DAB1: variants seen among roughly 807,000 people sequenced by gnomAD.
DAB1 encodes the protein disabled homolog 1.
A neutral mutation model predicts 64.6 loss-of-function variants in DAB1; 15 were observed. The observed-to-expected ratio is 0.23, with a 90% CI of 0.16 to 0.36. The LOEUF is 0.36. Ranked by LOEUF, DAB1 falls within the 10% of genes least tolerant of loss-of-function variation. The pLI is 1.00. For synonymous variants in DAB1, 235 were observed against 251.9 expected (o/e 0.93, Z 0.64); for missense variants, 596 against 706.7 (o/e 0.84, Z 1.78).
intron 6 of DAB1, among the ~76,000 whole-genome samples, chr1:57,777,222 T>C (rs2101837939): frequency 6.6e-6 from 1 of 151,302 alleles, no homozygotes; most frequent in Admixed American, 6.6e-5. Context: ...TACCCTTTTC[T>C]TGGGCTTCTT....
At chr1:57,738,361 A>G (rs1448753023) in intron 6 of DAB1, among the ~76,000 whole-genome samples, 1 of 152,200 alleles carries the variant, frequency 6.6e-6, no homozygotes, top group Non-Finnish European at 1.5e-5. Context: ...CAAAATATCT[A>G]GCTGATTTAT....
At chr1:57,277,664 G>A (rs1671573360) in intron 2 of DAB1, among the ~76,000 whole-genome samples, 1 of 152,146 alleles carries the variant, frequency 6.6e-6, no homozygotes, top group African/African-American at 2.4e-5. Flanking sequence ...CTGTTAATAA[G>A]GGATATGGGC....
rs75220198 is a variant in DAB1, at chr1:58,539,090, G to A, written n.32+7613C>T. 3.5e-3 allele frequency: 3,058 copies of A among 872,884 alleles called. 18 individuals carry two copies. Among genetic ancestry groups the A allele is most frequent in the Middle Eastern group, 0.021 (95 of 4,612 alleles). 54.1% of individuals were successfully genotyped at this position (872,884 alleles called of 1,614,324 possible). A position where few individuals can be genotyped will look rare whatever the true frequency, so the allele number is the denominator to read the frequency against. On this transcript the variant is annotated intron_variant and non_coding_transcript_variant, in intron 1 of 20. Coordinates refer to the DAB1 transcript ENST00000485760. ...TTGTTGTTAAAAGTACTATAAAAAT[G>A]AAAGTTTCCAGGCAGAAAACTCCAC...
chr1:58,332,720 C>T (rs1663000096), intron 4 of DAB1, among the ~76,000 whole-genome samples: 1 of 152,090 alleles, frequency 6.6e-6, no homozygotes, highest in Admixed American at 6.6e-5. Context: ...ACAATCAGGA[C>T]AGAAATATGG....
chr1:57,086,854 G>A (rs771334342), intron 4 of DAB1, among the ~76,000 whole-genome samples: 3 of 152,184 alleles, frequency 2.0e-5, no homozygotes, highest in Non-Finnish European at 4.4e-5. Context: ...TGAAATTGAT[G>A]AGTGAGCACG....
intron 11 of DAB1, among the ~76,000 whole-genome samples, chr1:57,018,894 C>T (rs1224682179): frequency 6.6e-6 from 1 of 152,190 alleles, no homozygotes; most frequent in Admixed American, 6.5e-5. Flanking sequence ...CAAAACCCAA[C>T]CTGCTGTCTC....
intron 7 of DAB1, among the ~76,000 whole-genome samples, chr1:57,449,658 T>C (rs1345594807): frequency 6.6e-6 from 1 of 152,146 alleles, no homozygotes; most frequent in Non-Finnish European, 1.5e-5. Flanking sequence ...GGATTATAAG[T>C]GTAAGCTGCC....
chr1:57,701,800 A>C (rs537890578), intron 6 of DAB1, among the ~76,000 whole-genome samples: 1 of 151,898 alleles, frequency 6.6e-6, no homozygotes, highest in African/African-American at 2.4e-5. Flanking sequence ...CCTCTAATAT[A>C]TTTTTTCAGT....
chr1:57,979,566 T>A (rs975427549), intron 5 of DAB1, among the ~76,000 whole-genome samples: 3 of 152,150 alleles, frequency 2.0e-5, no homozygotes, highest in African/African-American at 7.2e-5. Context: ...AGTATAATTT[T>A]AAAAATAGAA....
chr1:57,522,239 A>G (rs1443140274), intron 7 of DAB1, among the ~76,000 whole-genome samples: 1 of 152,184 alleles, frequency 6.6e-6, no homozygotes, highest in Non-Finnish European at 1.5e-5. Flanking sequence ...TATACAGAAC[A>G]GTTAGACAGC....
intron 2 of DAB1, among the ~76,000 whole-genome samples, chr1:57,229,163 T>C (rs985889968): frequency 1.3e-5 from 2 of 152,020 alleles, no homozygotes; most frequent in Non-Finnish European, 2.9e-5. Context: ...CAGAGGGCTT[T>C]ACTGGTGTCT....
At chr1:57,068,478 T>G (rs1651140612) in intron 8 of DAB1, among the ~76,000 whole-genome samples, 1 of 152,242 alleles carries the variant, frequency 6.6e-6, no homozygotes. Context: ...TATGTTTTAC[T>G]TTTATTACAC....
At chr1:58,279,816 G>GA (rs1264594643) in intron 4 of DAB1, among the ~76,000 whole-genome samples, 2 of 152,130 alleles carry the variant, frequency 1.3e-5, no homozygotes, top group Non-Finnish European at 2.9e-5. Flanking sequence ...CAGTGGCTGT[G>GA]AAGAGGAGGT....
At chr1:57,972,553 C>T (rs574770962) in intron 5 of DAB1, among the ~76,000 whole-genome samples, 3 of 152,238 alleles carry the variant, frequency 2.0e-5, no homozygotes, top group African/African-American at 7.2e-5. Context: ...CCAATTTTTT[C>T]ACCTAAAAGG....
intron 1 of DAB1, among the ~76,000 whole-genome samples, chr1:57,403,903 T>TAGCCACTA (rs1683433534): frequency 6.6e-6 from 1 of 152,228 alleles, no homozygotes; most frequent in Non-Finnish European, 1.5e-5. Context: ...CATGTGCTAG[T>TAGCCACTA]GGCTACTATA....
At chr1:57,332,963 T>A (rs1368361578) in intron 1 of DAB1, among the ~76,000 whole-genome samples, 4 of 152,194 alleles carry the variant, frequency 2.6e-5, no homozygotes, top group Admixed American at 6.5e-5. Flanking sequence ...CTTGCTGTCT[T>A]ATCTGTTGAA....
At chr1:57,979,494 C>T (rs905749198) in intron 5 of DAB1, among the ~76,000 whole-genome samples, 19 of 152,264 alleles carry the variant, frequency 1.2e-4, no homozygotes, top group Middle Eastern at 3.4e-3. Context: ...AGCAAACCAC[C>T]GTGGCATGTG....
At chr1:58,298,818 C>T (rs1329497066) in intron 4 of DAB1, among the ~76,000 whole-genome samples, 2 of 152,190 alleles carry the variant, frequency 1.3e-5, no homozygotes, top group African/African-American at 2.4e-5. Flanking sequence ...AGAGTAGGCA[C>T]CCCTTCTCTG....
At chr1:57,387,821 C>CAAAAAAAAAAA (rs55950458) in intron 1 of DAB1, among the ~76,000 whole-genome samples, 3 of 104,322 alleles carry the variant, frequency 2.9e-5, no homozygotes, top group Admixed American at 1.1e-4. Flanking sequence ...GACTCAGCCT[C>CAAAAAAAAAAA]AAAAAAAAAA....
Sources: allele counts gnomAD v4.1 joint callset (sites outside exome capture counted in the v4.1 genomes callset), GRCh38; gene constraint gnomAD v4.1.1; transcripts MANE v1.5; gene names NCBI Gene and HGNC (gene_info 2026-07-23, HGNC 2026-07-21).